Variants in ABHD3 observed in about 807,000 individuals in gnomAD.
ABHD3 encodes the protein abhydrolase domain containing 3, phospholipase.
Under a neutral mutation model 48.8 loss-of-function variants are expected in ABHD3, and 46 were observed. That is an observed-to-expected ratio of 0.94 (90% CI 0.74 to 1.20). The LOEUF is 1.20. Among genes scored for constraint, ABHD3 ranks in the 50% most tolerant of loss-of-function variants. ABHD3 has a pLI of 0.00. For synonymous variants in ABHD3, 192 were observed against 183.7 expected (o/e 1.04, Z -0.36); for missense variants, 490 against 497.8 (o/e 0.98, Z 0.15).
In ABHD3 at chr18:21,650,971, A is replaced by G; in HGVS notation, c.*620T>C. On this transcript the variant is annotated 3_prime_UTR_variant, in exon 9 of 9. Coordinates refer to ENST00000289119, the MANE Select transcript of ABHD3 (RefSeq NM_138340.5). ...CACATATACTATTTTAAAAATAAGCATGTAAATTATAATCATTATAAAACA... is the reference window on the plus strand; with the variant it reads ...CACATATACTATTTTAAAAATAAGCGTGTAAATTATAATCATTATAAAACA... 6.6e-6 allele frequency: 1 copy of G among 152,314 alleles called. No individual in the cohort carries two copies. The highest frequency in any genetic ancestry group is 2.1e-4 in the South Asian group (1 of 4,832). 9.4% of individuals were successfully genotyped at this position (152,314 alleles called of 1,614,324 possible).
chr18:21,683,950 G>T lies in ABHD3; in HGVS notation c.525C>A (p.Asn175Lys). 1.3e-6 allele frequency: 2 copies of T among 1,599,936 alleles called. No homozygotes were observed. The highest frequency in any genetic ancestry group is 1.7e-6 in the Non-Finnish European group (2 of 1,172,434). The change falls in exon 4 of 9, where the codon AAC becomes AAA. Residue 175 changes from asparagine to lysine, a missense_variant. Asn to Lys is a moderately conservative substitution (Grantham distance 94, BLOSUM62 0). Transcript: ENST00000289119. The part of the protein sequence containing the change: ...EELGYRCVVF[N>K]NRGVAGENLL... ...GATTCTCCCCCGCCACTCCTCTGTT[G>T]TTAAAAACCACACATCTAAAAACCA...
At chr18:21,696,651 G>A (rs1245483839) in intron 3 of ABHD3, among the ~76,000 whole-genome samples, 1 of 152,036 alleles carries the variant, frequency 6.6e-6, no homozygotes, top group Non-Finnish European at 1.5e-5. Context: ...CTTTTCTCCA[G>A]CTTTCTGGTT....
At chr18:21,686,585 T>A (rs114890833) in intron 3 of ABHD3, among the ~76,000 whole-genome samples, 1,614 of 152,346 alleles carry the variant, frequency 0.011, 37 homozygotes, top group African/African-American at 0.036. Flanking sequence ...AAGTGGATCA[T>A]AGTTCTGGTA....
At chr18:21,702,706 C>CT (rs1279100013) in intron 2 of ABHD3, among the ~76,000 whole-genome samples, 1 of 152,098 alleles carries the variant, frequency 6.6e-6, no homozygotes, top group Non-Finnish European at 1.5e-5. Flanking sequence ...TTCCAGCAAC[C>CT]TCCGTACAAG....
intron 3 of ABHD3, among the ~76,000 whole-genome samples, chr18:21,689,674 A>G (rs112424841): frequency 2.6e-5 from 4 of 152,224 alleles, no homozygotes; most frequent in African/African-American, 9.6e-5. Context: ...GAATGGATAC[A>G]CAGAGAAAGA....
Position 21,702,407 on chromosome 18 carries a change from G to A in ABHD3, c.418C>T (p.Pro140Ser). ...AGGCCAGGCAACAATAAGATAGTAG[G>A]TCTGGTGCTGGCATCCATATAACAC... The part of the protein sequence containing the change: ...STCYMDASTR[P>S]TILLLPGLTG... The change falls in exon 3 of 9, where the codon CCT (proline) becomes TCT (serine). Residue 140 changes from proline to serine, a missense_variant. Coordinates refer to ENST00000289119, the MANE Select transcript of ABHD3 (RefSeq NM_138340.5). 1 of 1,614,016 alleles carries A rather than the reference G, an allele frequency of 6.2e-7. No individual in the cohort carries two copies. Among genetic ancestry groups the A allele is most frequent in the South Asian group, 1.1e-5 (1 of 91,066 alleles).
At chr18:21,663,658 A>C (rs1484629140) in intron 5 of ABHD3, 2 of 1,535,226 alleles carry the variant, frequency 1.3e-6, no homozygotes, top group East Asian at 4.9e-5. Context: ...GCAACAAAAC[A>C]AAACAAAACA....
chr18:21,676,782 T>C (rs1182893437), intron 4 of ABHD3, among the ~76,000 whole-genome samples: 1 of 152,098 alleles, frequency 6.6e-6, no homozygotes, highest in Non-Finnish European at 1.5e-5. Flanking sequence ...CAGGATACAT[T>C]TTGGGCAGTG....
intron 3 of ABHD3, among the ~76,000 whole-genome samples, chr18:21,688,927 T>C (rs928391237): frequency 6.6e-6 from 1 of 152,100 alleles, no homozygotes; most frequent in Non-Finnish European, 1.5e-5. Context: ...AAAATAAGAA[T>C]GGAAAAACAG....
intron 4 of ABHD3, chr18:21,673,594 G>C (rs1024600279): frequency 1.3e-5 from 2 of 151,634 alleles, no homozygotes; most frequent in South Asian, 4.2e-4. Flanking sequence ...GCGCCCAGCT[G>C]TTTTTTGTTT....
At chr18:21,665,098 C>T (rs559825935) in intron 4 of ABHD3, among the ~76,000 whole-genome samples, 2 of 152,012 alleles carry the variant, frequency 1.3e-5, no homozygotes, top group Non-Finnish European at 2.9e-5. Context: ...ACACCCACCA[C>T]CATGCCCGGC....
intron 3 of ABHD3, among the ~76,000 whole-genome samples, chr18:21,688,806 T>C (rs570563782): frequency 4.9e-4 from 74 of 152,258 alleles, no homozygotes; most frequent in Admixed American, 2.5e-3. Flanking sequence ...GTGAGATACA[T>C]TGTAAAGGGA....
chr18:21,684,311 C>CTTTT lies in ABHD3; in HGVS notation c.510-350_510-347dup, dbSNP rs564516602. On this transcript the variant is annotated intron_variant, in intron 3 of 8. Coordinates refer to ENST00000289119, the MANE Select transcript of ABHD3 (RefSeq NM_138340.5). ...TACAAGTCAAATTTAAATGTTTTTG[C>CTTTT]TTTTTTTTTTTTTTTTTTTTTTTGA... Among the ~76,000 whole-genome samples, 436 of 82,824 alleles carry CTTTT rather than the reference C, an allele frequency of 5.3e-3. 3 individuals carry two copies. The highest frequency in any genetic ancestry group is 0.011 in the Middle Eastern group (1 of 88). The allele number at this position is 82,824 out of a possible 152,430, so 54.3% of individuals were successfully genotyped here. A position where few individuals can be genotyped will look rare whatever the true frequency, so the allele number is the denominator to read the frequency against.
At chr18:21,701,524 A>G (rs1352848800) in intron 3 of ABHD3, 1 of 152,156 alleles carries the variant, frequency 6.6e-6, no homozygotes, top group Non-Finnish European at 1.5e-5. Context: ...TTTTTAAGGT[A>G]AACTTACCAT....
chr18:21,659,533 G>A (rs2039435487), intron 5 of ABHD3, among the ~76,000 whole-genome samples, 190 bp from the exon 6 acceptor site: 2 of 152,184 alleles, frequency 1.3e-5, no homozygotes, highest in Admixed American at 1.3e-4. Flanking sequence ...TTGTCTTGCA[G>A]TCAACTATGT....
intron 5 of ABHD3, chr18:21,661,829 T>C (rs2039505724): frequency 6.6e-6 from 1 of 151,868 alleles, no homozygotes; most frequent in African/African-American, 2.4e-5. Context: ...TGCACCACCA[T>C]GCCCAGCTAA....
At chr18:21,704,357 C>A in intron 1 of ABHD3, 147 bp downstream of exon 1, 1 of 894,758 alleles carries the variant, frequency 1.1e-6, no homozygotes, top group Non-Finnish European at 1.5e-6. Flanking sequence ...GTTGGCTTTC[C>A]CGCGCGCGCT....
chr18:21,689,032 C>G (rs571516374), intron 3 of ABHD3, among the ~76,000 whole-genome samples: 7 of 152,124 alleles, frequency 4.6e-5, no homozygotes, highest in African/African-American at 1.7e-4. Flanking sequence ...TCCTTTAGGG[C>G]CAAACTTTCC....
chr18:21,683,749 C>T (rs1485748268), intron 4 of ABHD3, 171 bp downstream of exon 4: 1 of 472,270 alleles, frequency 2.1e-6, no homozygotes, highest in African/African-American at 2.0e-5. Flanking sequence ...CTTGGTTATA[C>T]AATTATCGGT....
Sources: allele counts gnomAD v4.1 joint callset (sites outside exome capture counted in the v4.1 genomes callset), GRCh38; gene constraint gnomAD v4.1.1; transcripts MANE v1.5; gene names NCBI Gene and HGNC (gene_info 2026-07-23, HGNC 2026-07-21).